The following TRPV4 variants were observed in gnomAD, a reference collection of about 807,000 sequenced individuals.
TRPV4 encodes transient receptor potential cation channel subfamily V member 4.
In TRPV4, 58 loss-of-function variants were observed where a neutral mutation model predicts 84.1. That is an observed-to-expected ratio of 0.69 (90% CI 0.56 to 0.86). The LOEUF (loss-of-function observed/expected upper bound fraction) is 0.86, where lower values mean the gene tolerates loss of function less well. TRPV4 is among the 40% of genes least tolerant of loss of function. TRPV4 has a pLI of 0.00. For synonymous variants in TRPV4, 489 were observed against 500.9 expected (o/e 0.98, Z 0.32); for missense variants, 879 against 1,181.1 (o/e 0.74, Z 3.75).
At chr12:109,800,510 C>A in intron 5 of TRPV4, 108 bp downstream of exon 5, 1 of 1,431,892 alleles carries the variant, frequency 7.0e-7, no homozygotes, top group Non-Finnish European at 9.6e-7. Context: ...GCCAGAGTGG[C>A]CCTGGGTGTC....
rs200497189 is a variant in TRPV4 at position 109,803,087 on chromosome 12, G to A, written c.616C>T (p.Arg206Cys). The A allele has an allele frequency of 4.3e-5, 69 of 1,614,142 alleles. No homozygotes were observed. The highest frequency in any genetic ancestry group is 2.0e-4 in the Admixed American group (12 of 60,024). ...AGCAGCACAGGGATGGTGTCGTTGC[G>A]GCCATTGCTCAGGTTCAGCAAGGCC... ...PKALLNLSNG[R>C]NDTIPVLLDI... Residue 206 changes from arginine to cysteine, a missense_variant, in exon 4 of 16, where the codon CGC (arginine) becomes TGC (cysteine). Transcript: ENST00000261740.
At position 109,798,809 on chromosome 12, in the gene TRPV4, C is replaced by A; in HGVS notation, c.957G>T (p.Ser319=). 1 of 1,614,162 alleles carries A rather than the reference C, an allele frequency of 6.2e-7. No homozygotes were observed. The highest frequency in any genetic ancestry group is 8.5e-7 in the Non-Finnish European group (1 of 1,180,040). ...HKKADMRRQD[S]RGNTVLHALV... ...GCGCATGCAGCACTGTGTTGCCTCGCGAGTCCTGGCGCCGCATGTCCGCCT... is the reference window on the plus strand; with the variant it reads ...GCGCATGCAGCACTGTGTTGCCTCGAGAGTCCTGGCGCCGCATGTCCGCCT... The change falls in exon 6 of 16, where the codon TCG becomes TCT. Residue 319 remains serine (S), a synonymous_variant. Coordinates refer to ENST00000261740, the MANE Select transcript of TRPV4 (RefSeq NM_021625.5). The surrounding 1 kb of genome is among the most constrained non-coding windows in gnomAD (Gnocchi z 5.0).
Position 109,814,300 on chromosome 12 carries a change from G to A in TRPV4, c.386+111C>T, listed in dbSNP as rs1350212327. On this transcript the variant is annotated intron_variant, in intron 2 of 15. Transcript: ENST00000261740. This position sits in a 1 kb window ranked among gnomAD's most constrained non-coding sequence, Gnocchi z 5.4. Reference sequence around the variant, plus strand: ...GTATGGATGGTTGGATGGACAGATGGATGGATGGATGAATCGACGGATGGG... The same window carrying A: ...GTATGGATGGTTGGATGGACAGATGAATGGATGGATGAATCGACGGATGGG... 3.2e-6 allele frequency: 4 copies of A among 1,240,794 alleles called. No homozygotes were observed. In the African/African-American group the frequency reaches 5.9e-5, roughly 18 times the overall value. The allele number at this position is 1,240,794 out of a possible 1,614,324, so 76.9% of individuals were successfully genotyped here. A position where few individuals can be genotyped will look rare whatever the true frequency, so the allele number is the denominator to read the frequency against.
intron 3 of TRPV4, among the ~76,000 whole-genome samples, chr12:109,807,040 G>A (rs146066019): frequency 3.3e-4 from 50 of 152,250 alleles, no homozygotes; most frequent in African/African-American, 1.1e-3. Context: ...ACTTCGGGAG[G>A]CCAAGGCGGG....
intron 2 of TRPV4, among the ~76,000 whole-genome samples, chr12:109,810,596 C>T (rs749701322): frequency 4.6e-5 from 7 of 152,182 alleles, no homozygotes; most frequent in Admixed American, 1.3e-4. Flanking sequence ...CAAAGGGGAT[C>T]ATTAGCATCC....
At chr12:109,787,414 G>T (rs1225112963) in intron 13 of TRPV4, among the ~76,000 whole-genome samples, 2 of 152,152 alleles carry the variant, frequency 1.3e-5, no homozygotes, top group African/African-American at 2.4e-5. Flanking sequence ...AGACCAGCCT[G>T]GGCAACATGG....
intron 4 of TRPV4, among the ~76,000 whole-genome samples, chr12:109,801,814 A>G (rs1356715081): frequency 2.6e-5 from 4 of 152,190 alleles, no homozygotes; most frequent in African/African-American, 9.6e-5. Context: ...TGGGTAACAG[A>G]GCAAGACCTT....
intron 12 of TRPV4, among the ~76,000 whole-genome samples, chr12:109,789,257 G>A (rs781524817): frequency 7.9e-5 from 12 of 152,184 alleles, no homozygotes; most frequent in Non-Finnish European, 1.3e-4. Flanking sequence ...GGCATCAGGT[G>A]GGTGGAGGCC....
rs1448568332 is a variant in TRPV4 at position 109,814,521 on chromosome 12, C to T, written c.276G>A (p.Glu92=). The T allele has an allele frequency of 9.9e-6, 16 of 1,614,066 alleles. No individual in the cohort carries two copies. Among genetic ancestry groups the T allele is most frequent in the Non-Finnish European group, 8.5e-6 (10 of 1,180,016 alleles). The change falls in exon 2 of 16, where the codon GAG becomes GAA. Residue 92 remains glutamate, a synonymous_variant. Transcript: ENST00000261740. The surrounding 1 kb of genome is among the most constrained non-coding windows in gnomAD (Gnocchi z 5.4). ...TCTTGGGCCCAGGCACCACCGAGGA[C>T]TCATATAGGGTGGACTCCAGCAGAT... is the stretch of plus-strand genomic sequence containing the variant. ...PIDLLESTLY[E]SSVVPGPKKA...
rs772232099 is a variant in TRPV4 at position 109,783,829 on chromosome 12, C to T, written c.2459-51G>A. 10 of 1,598,044 alleles carry T rather than the reference C, an allele frequency of 6.3e-6. No individual in the cohort carries two copies. Among genetic ancestry groups the T allele is most frequent in the South Asian group, 1.1e-5 (1 of 90,238 alleles). Reference sequence around the variant, plus strand: ...GGGGTGGGGGTTGGTGGAGAGAGAGCGTGCGTATATTGAGTGCCTACTGTG... The same window carrying T: ...GGGGTGGGGGTTGGTGGAGAGAGAGTGTGCGTATATTGAGTGCCTACTGTG... On this transcript the variant is annotated intron_variant, in intron 15 of 15. Coordinates refer to ENST00000261740, the MANE Select transcript of TRPV4 (RefSeq NM_021625.5). The surrounding 1 kb of genome is among the most constrained non-coding windows in gnomAD (Gnocchi z 4.6).
In TRPV4 at chr12:109,786,883, C is replaced by T. The variant is rs765328658; in HGVS notation, c.2209-46G>A. The T allele has an allele frequency of 6.2e-7, 1 of 1,610,820 alleles. No homozygotes were observed. The highest frequency in any genetic ancestry group is 1.1e-5 in the South Asian group (1 of 90,936). On this transcript the variant is annotated intron_variant, in intron 13 of 15. Coordinates refer to ENST00000261740, the MANE Select transcript of TRPV4 (RefSeq NM_021625.5). The surrounding 1 kb of genome is among the most constrained non-coding windows in gnomAD (Gnocchi z 4.5). The stretch of plus-strand genomic sequence containing the variant: ...GAGGGACATCGGTGAGCCTCACAGC[C>T]TGCGCCTGCCGCTCTGGTGGCAGAA...
At chr12:109,822,068 G>GGAGGAGGAGGAAGATAAAGGGCA (rs1259814038) in intron 1 of TRPV4, among the ~76,000 whole-genome samples, 2 of 152,110 alleles carry the variant, frequency 1.3e-5, no homozygotes, top group Non-Finnish European at 2.9e-5. Context: ...GCTGTGAGGA[G>GGAGGAGGAGGAAGATAAAGGGCA]GAGGAGGAGG....
At chr12:109,811,666 A>G (rs1016404219) in intron 2 of TRPV4, among the ~76,000 whole-genome samples, 2 of 151,362 alleles carry the variant, frequency 1.3e-5, no homozygotes, top group Admixed American at 6.6e-5. Flanking sequence ...TCAAAAAAAA[A>G]AAAAAGAAAA....
chr12:109,824,494 G>A (rs1592873610), intron 1 of TRPV4, among the ~76,000 whole-genome samples: 1 of 151,984 alleles, frequency 6.6e-6, no homozygotes, highest in East Asian at 2.0e-4. Flanking sequence ...AGTGGCTCAC[G>A]CCTGTAATCC....
intron 2 of TRPV4, among the ~76,000 whole-genome samples, chr12:109,808,744 G>A (rs548637946): frequency 2.0e-5 from 3 of 148,220 alleles, no homozygotes; most frequent in South Asian, 2.2e-4. Flanking sequence ...TCCACTCACC[G>A]ACCCATCCAT....
At chr12:109,824,827 G>A (rs547250211) in intron 1 of TRPV4, among the ~76,000 whole-genome samples, 1 of 152,266 alleles carries the variant, frequency 6.6e-6, no homozygotes, top group South Asian at 2.1e-4. Flanking sequence ...CACAGCCACG[G>A]AGAACTCCAG....
At chr12:109,787,291 T>A (rs1354779974) in intron 13 of TRPV4, among the ~76,000 whole-genome samples, 3 of 151,894 alleles carry the variant, frequency 2.0e-5, no homozygotes, top group Non-Finnish European at 4.4e-5. Context: ...CAGTTTTTTG[T>A]TGTTGTTGTT....
intron 7 of TRPV4, among the ~76,000 whole-genome samples, chr12:109,794,990 C>A (rs1010347401): frequency 6.6e-6 from 1 of 152,192 alleles, no homozygotes; most frequent in Non-Finnish European, 1.5e-5. Flanking sequence ...TGCACTCCAG[C>A]CTGGGCAACA....
chr12:109,822,969 G>A lies in TRPV4; in HGVS notation c.-31-8142C>T, dbSNP rs189119572. The stretch of plus-strand genomic sequence containing the variant: ...AACAAAAGGACTGAGGACCAAGGAA[G>A]GCAATGACTCCTAGAGAAGGCAGAG... On this transcript the variant is annotated intron_variant, in intron 1 of 15. Coordinates refer to ENST00000261740, the MANE Select transcript of TRPV4 (RefSeq NM_021625.5). Among the ~76,000 whole-genome samples the A allele has an allele frequency of 4.4e-3, 674 of 152,330 alleles. 7 individuals carry two copies. Among genetic ancestry groups the A allele is most frequent in the African/African-American group, 0.015 (620 of 41,580 alleles).
Sources: gnomAD v4.1 joint callset for allele counts (sites outside exome capture counted in the v4.1 genomes callset) on GRCh38, gnomAD v4.1.1 for gene constraint, Gnocchi (gnomAD v3.1) non-coding constraint, MANE v1.5 for transcripts, NCBI Gene and HGNC (gene_info 2026-07-23, HGNC 2026-07-21) for gene names.